The following FMN1 variants were observed in gnomAD, a reference collection of about 807,000 sequenced individuals.
The protein encoded by FMN1 is formin 1.
Under a neutral mutation model 132.4 loss-of-function variants are expected in FMN1, and 110 were observed. The ratio of observed to expected loss-of-function variants is 0.83; its 90% CI spans 0.71 to 0.97. The LOEUF (loss-of-function observed/expected upper bound fraction) is 0.97, where lower values mean the gene tolerates loss of function less well. Among genes scored for constraint, FMN1 ranks in the 50% least tolerant of loss-of-function variants. The probability of loss-of-function intolerance (pLI) is 0.00; values close to 1 mark genes in which losing one functional copy is unlikely to be tolerated. For synonymous variants in FMN1, 722 were observed against 651.7 expected (o/e 1.11, Z -1.64); for missense variants, 1,792 against 1,705.3 (o/e 1.05, Z -0.90).
intron 16 of FMN1, among the ~76,000 whole-genome samples, chr15:32,877,131 CA>C (rs1455950969): frequency 6.6e-6 from 1 of 151,958 alleles, no homozygotes; most frequent in African/African-American, 2.4e-5. Context: ...ACTAAAAATA[CA>C]AAAAATTAGC....
At chr15:33,002,998 T>C (rs2034203387) in intron 7 of FMN1, among the ~76,000 whole-genome samples, 2 of 152,296 alleles carry the variant, frequency 1.3e-5, no homozygotes, top group South Asian at 4.2e-4. Context: ...GAAAAGGCCT[T>C]TGACAAAATT....
chr15:33,111,713 A>G (rs2039712726), intron 4 of FMN1, among the ~76,000 whole-genome samples: 1 of 152,136 alleles, frequency 6.6e-6, no homozygotes, highest in Non-Finnish European at 1.5e-5. Flanking sequence ...GCATGATACC[A>G]CTTACATGAA....
At chr15:32,930,273 C>T (rs1165757216) in intron 9 of FMN1, among the ~76,000 whole-genome samples, 8 of 152,190 alleles carry the variant, frequency 5.3e-5, no homozygotes, top group African/African-American at 1.9e-4. Flanking sequence ...AGGCGTGAGC[C>T]ACCGTCCCTG....
intron 7 of FMN1, among the ~76,000 whole-genome samples, chr15:32,982,091 A>C (rs1404970408): frequency 6.6e-6 from 1 of 152,262 alleles, no homozygotes; most frequent in Non-Finnish European, 1.5e-5. Context: ...CTGAACAGAT[A>C]ATCTACCAAG....
chr15:33,042,833 C>A (rs895328527), intron 6 of FMN1, among the ~76,000 whole-genome samples: 1 of 151,564 alleles, frequency 6.6e-6, no homozygotes, highest in Non-Finnish European at 1.5e-5. Context: ...TTAATTTGCC[C>A]AGAGTCACAC....
chr15:32,908,602 CCAAAA>C, intron 11 of FMN1, 24 bp from the exon 12 acceptor site: 1 of 679,778 alleles, frequency 1.5e-6, no homozygotes, highest in Non-Finnish European at 2.0e-6. Flanking sequence ...GAAAACAAAA[CCAAAA>C]AAAAAAAAAA....
At chr15:32,787,315 C>T (rs982716818) in intron 19 of FMN1, among the ~76,000 whole-genome samples, 2 of 152,090 alleles carry the variant, frequency 1.3e-5, no homozygotes, top group African/African-American at 4.8e-5. Flanking sequence ...GAATGGGTAA[C>T]CCCAAGTTCA....
At chr15:32,843,318 CT>C (rs2058787199) in intron 17 of FMN1, among the ~76,000 whole-genome samples, 1 of 152,168 alleles carries the variant, frequency 6.6e-6, no homozygotes, top group African/African-American at 2.4e-5. Context: ...CCATTAATTG[CT>C]GTCAACACGC....
At chr15:33,111,417 GGCATTTCCTCA>G (rs2039699939) in intron 4 of FMN1, among the ~76,000 whole-genome samples, 1 of 152,026 alleles carries the variant, frequency 6.6e-6, no homozygotes, top group Non-Finnish European at 1.5e-5. Flanking sequence ...AAACAGTCTT[GGCATTTCCTCA>G]AAAGGTTAAA....
chr15:32,863,801 C>T (rs1237902494), intron 16 of FMN1, among the ~76,000 whole-genome samples: 1 of 152,150 alleles, frequency 6.6e-6, no homozygotes, highest in Admixed American at 6.5e-5. Flanking sequence ...AGCTTCCTGC[C>T]CCCAAACACA....
chr15:32,875,047 A>G (rs1207038737), intron 16 of FMN1, among the ~76,000 whole-genome samples: 1 of 152,236 alleles, frequency 6.6e-6, no homozygotes, highest in African/African-American at 2.4e-5. Context: ...TGACTTGGAC[A>G]TATTGCCATT....
At chr15:32,895,976 C>T (rs1489696831) in intron 15 of FMN1, among the ~76,000 whole-genome samples, 1 of 152,082 alleles carries the variant, frequency 6.6e-6, no homozygotes, top group East Asian at 1.9e-4. Context: ...AATCAGTAAA[C>T]TATTTACCTA....
chr15:33,123,079 G>A (rs967259590), intron 4 of FMN1, among the ~76,000 whole-genome samples: 3 of 150,802 alleles, frequency 2.0e-5, no homozygotes, highest in Non-Finnish European at 4.4e-5. Context: ...TATAACTAAA[G>A]CCCAAATTGT....
intron 6 of FMN1, among the ~76,000 whole-genome samples, chr15:33,037,619 T>A (rs1361619427): frequency 6.6e-6 from 1 of 152,188 alleles, no homozygotes; most frequent in Non-Finnish European, 1.5e-5. Context: ...ATAAACAGCA[T>A]TGACACTTTT....
At chr15:32,807,126 T>G (rs1255153397) in intron 17 of FMN1, among the ~76,000 whole-genome samples, 1 of 152,236 alleles carries the variant, frequency 6.6e-6, no homozygotes, top group African/African-American at 2.4e-5. Flanking sequence ...AGAGATATAC[T>G]GGCTTTCCTG....
At chr15:32,833,931 C>G (rs1222183721) in intron 17 of FMN1, among the ~76,000 whole-genome samples, 1 of 152,186 alleles carries the variant, frequency 6.6e-6, no homozygotes, top group African/African-American at 2.4e-5. Context: ...CCAGACCTTA[C>G]ACTAAAAGGC....
At chr15:32,811,001 G>C (rs775702162) in intron 17 of FMN1, 29 of 456,204 alleles carry the variant, frequency 6.4e-5, no homozygotes, top group African/African-American at 5.0e-4. Flanking sequence ...TCTGATGTGA[G>C]TGTGGCAATC....
intron 6 of FMN1, among the ~76,000 whole-genome samples, chr15:33,048,732 T>C (rs2036831728): frequency 6.6e-6 from 1 of 150,556 alleles, no homozygotes; most frequent in Non-Finnish European, 1.5e-5. Context: ...GCAAGTCACA[T>C]CTCACATGGA....
At chr15:33,157,767 G>A (rs922517495) in intron 3 of FMN1, among the ~76,000 whole-genome samples, 11 of 152,118 alleles carry the variant, frequency 7.2e-5, no homozygotes, top group Non-Finnish European at 1.2e-4. Context: ...CAAGGCGGGA[G>A]GTTGCTTGAG....
Sources: gnomAD v4.1 joint callset for allele counts (sites outside exome capture counted in the v4.1 genomes callset) on GRCh38, gnomAD v4.1.1 for gene constraint, MANE v1.5 for transcripts, NCBI Gene and HGNC (gene_info 2026-07-23, HGNC 2026-07-21) for gene names.